The following PTPRD variants were observed in gnomAD, a reference collection of about 807,000 sequenced individuals.
PTPRD encodes the protein protein tyrosine phosphatase receptor type D.
Under a neutral mutation model 214.5 loss-of-function variants are expected in PTPRD, and 34 were observed. That is an observed-to-expected ratio of 0.16 (90% CI 0.12 to 0.21). PTPRD has a LOEUF of 0.21. Ranked by LOEUF, PTPRD falls within the 10% of genes least tolerant of loss-of-function variation. The pLI, the probability that PTPRD is intolerant of heterozygous loss-of-function variation, is 1.00. For synonymous variants in PTPRD, 1,128 were observed against 845.7 expected, an observed-to-expected ratio of 1.33 and a Z score of -5.79; for missense variants, 2,545 against 2,398.7, an observed-to-expected ratio of 1.06 and a Z score of -1.27.
At chr9:8,565,555 T>C (rs955847684) in intron 14 of PTPRD, among the ~76,000 whole-genome samples, 1 of 152,170 alleles carries the variant, frequency 6.6e-6, no homozygotes, top group Non-Finnish European at 1.5e-5. Context: ...TCTTTGTTGC[T>C]ACCATACAGA....
intron 10 of PTPRD, among the ~76,000 whole-genome samples, chr9:9,093,147 T>C (rs989814151): frequency 1.3e-5 from 2 of 152,004 alleles, no homozygotes; most frequent in Non-Finnish European, 2.9e-5. Flanking sequence ...ATCTTAAATA[T>C]ATATACATCT....
At chr9:10,425,302 T>A (rs1181923450) in intron 2 of PTPRD, among the ~76,000 whole-genome samples, 1 of 152,038 alleles carries the variant, frequency 6.6e-6, no homozygotes, top group African/African-American at 2.4e-5. Context: ...TGTTTCAGCC[T>A]CAGTGTTGCA....
intron 10 of PTPRD, among the ~76,000 whole-genome samples, chr9:9,043,733 G>T (rs1046551552): frequency 6.6e-6 from 1 of 151,788 alleles, no homozygotes; most frequent in African/African-American, 2.4e-5. Context: ...ATGAAACCCT[G>T]ACTCTACTAA....
At chr9:10,308,804 T>C (rs1400731580) in intron 3 of PTPRD, among the ~76,000 whole-genome samples, 1 of 152,204 alleles carries the variant, frequency 6.6e-6, no homozygotes, top group East Asian at 1.9e-4. Flanking sequence ...TCATTCTTTT[T>C]ATAGCTGCAT....
At chr9:9,444,199 T>C (rs1235875503) in intron 8 of PTPRD, among the ~76,000 whole-genome samples, 3 of 152,196 alleles carry the variant, frequency 2.0e-5, no homozygotes, top group Admixed American at 6.5e-5. Flanking sequence ...TACTTTTTTT[T>C]CTGAACAACT....
rs1419281874 is a variant in PTPRD, at chr9:10,080,027, C to G, written c.-544-46237G>C. ...ACAGAATAAACAAGGAATTTTGTAA[C>G]AGCAGAGAACATAACTTAAGAGACA... On this transcript the variant is annotated intron_variant, in intron 3 of 45. Coordinates refer to ENST00000381196, the MANE Select transcript of PTPRD (RefSeq NM_002839.4). Among the ~76,000 whole-genome samples, 4 of 150,156 alleles carry G rather than the reference C, an allele frequency of 2.7e-5. No homozygotes were observed. In the Middle Eastern group the frequency reaches 0.01, roughly 383 times the overall value.
intron 34 of PTPRD, among the ~76,000 whole-genome samples, chr9:8,441,207 G>A (rs1205442381): frequency 6.6e-6 from 1 of 152,110 alleles, no homozygotes. Flanking sequence ...AGAGACTCCA[G>A]AAAGAACAGT....
intron 6 of PTPRD, among the ~76,000 whole-genome samples, chr9:9,743,071 T>C (rs1012427766): frequency 2.6e-5 from 4 of 152,202 alleles, no homozygotes; most frequent in Non-Finnish European, 4.4e-5. Flanking sequence ...CAGTTATGCT[T>C]TTTGGGATAC....
chr9:9,205,283 C>T (rs1056791202), intron 9 of PTPRD, among the ~76,000 whole-genome samples: 2 of 152,218 alleles, frequency 1.3e-5, no homozygotes, highest in Admixed American at 1.3e-4. Context: ...ACAACTTAAA[C>T]CAGTGTCTTT....
chr9:9,258,114 T>C (rs10977620), intron 9 of PTPRD, among the ~76,000 whole-genome samples: 20,340 of 151,518 alleles, frequency 0.13, 1,537 homozygotes, highest in Non-Finnish European at 0.17. Flanking sequence ...GATAGATAGA[T>C]AGACAGATAA....
intron 5 of PTPRD, among the ~76,000 whole-genome samples, chr9:9,810,922 G>A (rs1186514157): frequency 1.3e-5 from 2 of 151,594 alleles, no homozygotes; most frequent in Admixed American, 6.6e-5. Context: ...ATTCATGGGA[G>A]GAAGTCAAAA....
At chr9:8,572,794 A>T (rs1297686712) in intron 14 of PTPRD, among the ~76,000 whole-genome samples, 2 of 151,900 alleles carry the variant, frequency 1.3e-5, no homozygotes, top group African/African-American at 4.8e-5. Context: ...TTTGCATATT[A>T]TTTTCCATAT....
chr9:8,644,804 C>A (rs1234571886), intron 12 of PTPRD, among the ~76,000 whole-genome samples: 1 of 152,240 alleles, frequency 6.6e-6, no homozygotes, highest in East Asian at 1.9e-4. Flanking sequence ...TTCACTCACA[C>A]ACCCCTTGCC....
At chr9:9,300,407 A>T (rs372481112) in intron 9 of PTPRD, among the ~76,000 whole-genome samples, 3 of 151,854 alleles carry the variant, frequency 2.0e-5, no homozygotes, top group Admixed American at 6.6e-5. Flanking sequence ...ATCTCTTTTT[A>T]GACAGCGCCT....
chr9:9,751,052 C>G (rs975913068), intron 6 of PTPRD, among the ~76,000 whole-genome samples: 1 of 152,136 alleles, frequency 6.6e-6, no homozygotes, highest in African/African-American at 2.4e-5. Context: ...TTCGTGGCCT[C>G]TCCTGCCACA....
intron 14 of PTPRD, among the ~76,000 whole-genome samples, chr9:8,630,567 T>C (rs903349995): frequency 2.6e-5 from 4 of 151,876 alleles, no homozygotes; most frequent in African/African-American, 9.7e-5. Flanking sequence ...TAAAATACTT[T>C]TGAATTTTTC....
intron 35 of PTPRD, among the ~76,000 whole-genome samples, chr9:8,425,552 T>C (rs2094605687): frequency 6.6e-6 from 1 of 152,178 alleles, no homozygotes; most frequent in Non-Finnish European, 1.5e-5. Context: ...GCCTGGGGGC[T>C]TGCATTTCTG....
chr9:8,866,899 G>C, intron 11 of PTPRD, among the ~76,000 whole-genome samples: 1 of 152,120 alleles, frequency 6.6e-6, no homozygotes, highest in East Asian at 1.9e-4. Flanking sequence ...ATAATAGAAA[G>C]CACTAACCTC....
intron 8 of PTPRD, among the ~76,000 whole-genome samples, chr9:9,502,975 T>C (rs1176883496): frequency 6.6e-6 from 1 of 151,842 alleles, no homozygotes; most frequent in African/African-American, 2.4e-5. Flanking sequence ...GATGGAAATA[T>C]CTTGTGTCTT....
Sources: gnomAD v4.1 joint callset for allele counts (sites outside exome capture counted in the v4.1 genomes callset) on GRCh38, gnomAD v4.1.1 for gene constraint, MANE v1.5 for transcripts, NCBI Gene and HGNC (gene_info 2026-07-23, HGNC 2026-07-21) for gene names.